RBMS3: variants seen among roughly 807,000 people sequenced by gnomAD.
RBMS3 encodes RNA binding motif single stranded interacting protein 3.
RBMS3 carries 27 observed loss-of-function variants against 66.8 expected under a neutral mutation model. The observed-to-expected ratio is 0.40, with a 90% CI of 0.30 to 0.56. The LOEUF (loss-of-function observed/expected upper bound fraction) is 0.56. RBMS3 is among the 20% of genes least tolerant of loss of function. RBMS3 has a pLI of 0.40. For missense variants in RBMS3, 513 were observed against 549.5 expected (o/e 0.93, Z 0.66); for synonymous variants, 188 against 183.0 (o/e 1.03, Z -0.22).
intron 4 of RBMS3, among the ~76,000 whole-genome samples, chr3:29,685,848 C>G (rs1048867713): frequency 3.9e-5 from 6 of 152,216 alleles, no homozygotes; most frequent in Non-Finnish European, 7.3e-5. Flanking sequence ...GTTAGTCCCA[C>G]CTCTCCCCAC....
At chr3:29,664,460 C>T (rs1023548933) in intron 4 of RBMS3, among the ~76,000 whole-genome samples, 4 of 151,984 alleles carry the variant, frequency 2.6e-5, no homozygotes, top group Non-Finnish European at 4.4e-5. Flanking sequence ...TGCACTCCAT[C>T]CTAGAGACAG....
At position 29,434,627 on chromosome 3, in the gene RBMS3, A is replaced by G. The variant is rs1010690437; in HGVS notation, c.76-116A>G. On this transcript the variant is annotated intron_variant, in intron 1 of 14. Transcript: ENST00000383767. ...AGTAGTGATATAAATGTGTGTGTGT[A>G]TGTACGTGTGTGTATTGGAGAAGAC... 7 of 1,344,206 alleles carry G rather than the reference A, an allele frequency of 5.2e-6. No homozygotes were observed. In the African/African-American group the frequency reaches 7.3e-5, roughly 14 times the overall value. The allele number at this position is 1,344,206 out of a possible 1,614,324, so 83.3% of individuals were successfully genotyped here.
At chr3:29,309,615 G>A (rs1479677754) in intron 1 of RBMS3, among the ~76,000 whole-genome samples, 1 of 151,468 alleles carries the variant, frequency 6.6e-6, no homozygotes, top group Non-Finnish European at 1.5e-5. Context: ...GTGGTGGGGG[G>A]GGCGGTGGTG....
chr3:29,660,624 T>G (rs568296201), intron 4 of RBMS3, among the ~76,000 whole-genome samples: 4 of 152,260 alleles, frequency 2.6e-5, no homozygotes, highest in African/African-American at 7.2e-5. Context: ...TTTTTATCTC[T>G]TCCTTTTGGT....
At chr3:29,336,464 A>G (rs1333837569) in intron 1 of RBMS3, among the ~76,000 whole-genome samples, 2 of 152,140 alleles carry the variant, frequency 1.3e-5, no homozygotes, top group Admixed American at 6.6e-5. Flanking sequence ...TAGATGAAAA[A>G]AAAAACCATA....
chr3:29,882,382 C>G (rs2059757446), intron 7 of RBMS3, among the ~76,000 whole-genome samples: 1 of 152,126 alleles, frequency 6.6e-6, no homozygotes, highest in African/African-American at 2.4e-5. Context: ...AGTCCCCCAG[C>G]TTGTCATATT....
chr3:29,387,887 G>A (rs1038825386), intron 1 of RBMS3, among the ~76,000 whole-genome samples: 1 of 152,110 alleles, frequency 6.6e-6, no homozygotes, highest in African/African-American at 2.4e-5. Flanking sequence ...CTTCTCTTCT[G>A]TGTTACCTTC....
At chr3:29,622,210 C>T (rs1434744545) in intron 4 of RBMS3, among the ~76,000 whole-genome samples, 1 of 152,168 alleles carries the variant, frequency 6.6e-6, no homozygotes, top group African/African-American at 2.4e-5. Flanking sequence ...TAAAATGTTC[C>T]TGCCCTTATA....
At chr3:29,904,260 G>A (rs1015628097) in intron 10 of RBMS3, among the ~76,000 whole-genome samples, 3 of 151,788 alleles carry the variant, frequency 2.0e-5, no homozygotes, top group Admixed American at 2.0e-4. Flanking sequence ...TTTCCACCTA[G>A]GATCCCTTCA....
intron 10 of RBMS3, among the ~76,000 whole-genome samples, chr3:29,901,064 T>C (rs1053794748): frequency 1.3e-5 from 2 of 151,782 alleles, no homozygotes; most frequent in African/African-American, 4.8e-5. Flanking sequence ...AGCAGAACTT[T>C]GTACCATATT....
At chr3:29,494,910 T>TA (rs1359644234) in intron 3 of RBMS3, among the ~76,000 whole-genome samples, 1 of 151,864 alleles carries the variant, frequency 6.6e-6, no homozygotes, top group Non-Finnish European at 1.5e-5. Context: ...TAAGAGTAGA[T>TA]AGAGTGTGCC....
At chr3:29,673,825 C>G (rs58654547) in intron 4 of RBMS3, among the ~76,000 whole-genome samples, 1,599 of 152,172 alleles carry the variant, frequency 0.011, 36 homozygotes, top group African/African-American at 0.037. Context: ...ACTAGAGGTA[C>G]AAAGAGGAGC....
intron 1 of RBMS3, among the ~76,000 whole-genome samples, chr3:29,307,200 G>T (rs1030104945): frequency 6.6e-6 from 1 of 151,802 alleles, no homozygotes; most frequent in African/African-American, 2.4e-5. Context: ...CACCTGCATT[G>T]GTGTTCTTTC....
intron 3 of RBMS3, among the ~76,000 whole-genome samples, chr3:29,569,128 GC>G (rs1164843201): frequency 6.6e-6 from 1 of 152,106 alleles, no homozygotes; most frequent in African/African-American, 2.4e-5. Flanking sequence ...CAGGCGAGGT[GC>G]TTTTGATTTC....
chr3:29,498,283 C>G (rs2043838726), intron 3 of RBMS3, among the ~76,000 whole-genome samples: 1 of 151,968 alleles, frequency 6.6e-6, no homozygotes, highest in Non-Finnish European at 1.5e-5. Context: ...GCGTGAACCA[C>G]TGAGGCCGGC....
chr3:29,940,350 A>AGGGGG (rs1227678498), intron 11 of RBMS3, among the ~76,000 whole-genome samples: 1 of 151,908 alleles, frequency 6.6e-6, no homozygotes, highest in African/African-American at 2.4e-5. Flanking sequence ...AAATTCTGCA[A>AGGGGG]AACAAGGTGT....
At chr3:29,409,389 T>C (rs1202558744) in intron 1 of RBMS3, among the ~76,000 whole-genome samples, 2 of 152,266 alleles carry the variant, frequency 1.3e-5, no homozygotes, top group African/African-American at 2.4e-5. Context: ...CCTCCCTCTC[T>C]AGAAGGATAT....
chr3:29,368,985 A>G (rs2038050780), intron 1 of RBMS3, among the ~76,000 whole-genome samples: 1 of 152,194 alleles, frequency 6.6e-6, no homozygotes, highest in Non-Finnish European at 1.5e-5. Flanking sequence ...GCAGGCATAA[A>G]AAAAGAACAA....
At chr3:29,829,064 A>C (rs1162881374) in intron 6 of RBMS3, among the ~76,000 whole-genome samples, 2 of 139,922 alleles carry the variant, frequency 1.4e-5, no homozygotes, top group African/African-American at 2.7e-5. Flanking sequence ...TTGTTTTTTG[A>C]GACAGAGTCT....
Sources: allele counts gnomAD v4.1 joint callset (sites outside exome capture counted in the v4.1 genomes callset), GRCh38; gene constraint gnomAD v4.1.1; transcripts MANE v1.5; gene names NCBI Gene and HGNC (gene_info 2026-07-23, HGNC 2026-07-21).